The following COG5 variants were observed in gnomAD, a reference collection of about 807,000 sequenced individuals.
COG5 encodes the protein component of oligomeric golgi complex 5, also known as conserved oligomeric Golgi complex subunit 5.
COG5 carries 86 observed loss-of-function variants against 110.4 expected under a neutral mutation model. The ratio of observed to expected loss-of-function variants is 0.78; its 90% CI spans 0.65 to 0.93. The LOEUF (loss-of-function observed/expected upper bound fraction) is 0.93. Among genes scored for constraint, COG5 ranks in the 40% least tolerant of loss-of-function variants. COG5 has a pLI of 0.00. For synonymous variants in COG5, 360 were observed against 334.6 expected (o/e 1.08, Z -0.83); for missense variants, 1,077 against 987.0 (o/e 1.09, Z -1.22).
chr7:107,535,471 A>C (rs1005925515), intron 5 of COG5, among the ~76,000 whole-genome samples: 3 of 151,762 alleles, frequency 2.0e-5, no homozygotes, highest in African/African-American at 7.3e-5. Context: ...AAAAATGATA[A>C]AGGGGATATC....
intron 13 of COG5, among the ~76,000 whole-genome samples, 160 bp from the exon 14 acceptor site, chr7:107,281,559 T>C (rs6954422): frequency 6.6e-6 from 1 of 152,006 alleles, no homozygotes; most frequent in Non-Finnish European, 1.5e-5. Context: ...TACCCCCTAA[T>C]TTCAGCACTT....
Position 107,266,324 on chromosome 7 carries a change from C to T in COG5, c.1576-7941G>A, listed in dbSNP as rs186580876. Among the ~76,000 whole-genome samples, 593 of 152,248 alleles carry T rather than the reference C, an allele frequency of 3.9e-3. 14 individuals are homozygous for T. The highest frequency in any genetic ancestry group is 0.035 in the Admixed American group (541 of 15,298). ...AAATATTCTCACAGCGTATGCCATA[C>T]TTTTCTGGTTTCATAAATAAGATAC... On this transcript the variant is annotated intron_variant, in intron 14 of 21. Coordinates refer to ENST00000297135, the MANE Select transcript of COG5 (RefSeq NM_006348.5).
chr7:107,404,424 T>C (rs1046572840), intron 7 of COG5, among the ~76,000 whole-genome samples: 1 of 152,210 alleles, frequency 6.6e-6, no homozygotes, highest in African/African-American at 2.4e-5. Flanking sequence ...TCTATATTTA[T>C]AATAAACATT....
intron 6 of COG5, among the ~76,000 whole-genome samples, chr7:107,507,141 C>T (rs1029626369): frequency 6.6e-6 from 1 of 152,132 alleles, no homozygotes; most frequent in Non-Finnish European, 1.5e-5. Context: ...TGGAGGCAGT[C>T]TCTTCCACTC....
intron 10 of COG5, among the ~76,000 whole-genome samples, chr7:107,345,045 G>A (rs1186347196): frequency 2.6e-5 from 4 of 152,228 alleles, no homozygotes; most frequent in Middle Eastern, 3.4e-3. Flanking sequence ...AACACTTAGA[G>A]GTCACTGTAG....
intron 6 of COG5, among the ~76,000 whole-genome samples, chr7:107,491,194 T>A (rs957892965): frequency 6.6e-6 from 1 of 152,110 alleles, no homozygotes. Flanking sequence ...CTTCTCTCTA[T>A]CCTCTACCTT....
intron 7 of COG5, among the ~76,000 whole-genome samples, chr7:107,407,314 G>A (rs1041399146): frequency 2.2e-4 from 34 of 152,212 alleles, no homozygotes; most frequent in East Asian, 7.7e-4. Flanking sequence ...CCCAGGAGTC[G>A]GAGGTTTCAG....
At chr7:107,467,201 T>C (rs1796345757) in intron 6 of COG5, among the ~76,000 whole-genome samples, 1 of 152,214 alleles carries the variant, frequency 6.6e-6, no homozygotes, top group African/African-American at 2.4e-5. Context: ...ATTTTGGGGT[T>C]AGAATCATAT....
intron 10 of COG5, among the ~76,000 whole-genome samples, chr7:107,326,624 C>T (rs1327073732): frequency 2.6e-5 from 4 of 151,958 alleles, no homozygotes; most frequent in East Asian, 1.9e-4. Context: ...GAAAACTACA[C>T]GATATGGTTG....
intron 14 of COG5, among the ~76,000 whole-genome samples, chr7:107,270,811 CTG>C (rs1299920597): frequency 1.4e-5 from 2 of 146,084 alleles, no homozygotes; most frequent in Admixed American, 1.4e-4. Flanking sequence ...ATGTGTGGGA[CTG>C]TTTCTCTTTC....
intron 17 of COG5, among the ~76,000 whole-genome samples, chr7:107,243,917 C>G (rs796222199): frequency 8.5e-5 from 13 of 152,230 alleles, no homozygotes; most frequent in African/African-American, 3.1e-4. Flanking sequence ...TCCTGAATGA[C>G]TTTTGGGTAA....
At chr7:107,480,094 T>A (rs1436773510) in intron 6 of COG5, among the ~76,000 whole-genome samples, 1 of 152,114 alleles carries the variant, frequency 6.6e-6, no homozygotes, top group Non-Finnish European at 1.5e-5. Context: ...ATAATAGTAA[T>A]GAAAGGGCAA....
intron 19 of COG5, among the ~76,000 whole-genome samples, chr7:107,211,909 G>A (rs564194375): frequency 6.6e-6 from 1 of 152,320 alleles, no homozygotes; most frequent in African/African-American, 2.4e-5. Flanking sequence ...TTATGGATGA[G>A]AGCTGATTAG....
Position 107,202,583 on chromosome 7 carries a change from G to C in COG5, c.*933C>G, listed in dbSNP as rs1562906594. 1.3e-5 allele frequency: 2 copies of C among 152,390 alleles called. No individual in the cohort carries two copies. The highest frequency in any genetic ancestry group is 2.9e-5 in the Non-Finnish European group (2 of 68,026). The allele number at this position is 152,390 out of a possible 1,614,324, so 9.4% of individuals were successfully genotyped here. On this transcript the variant is annotated 3_prime_UTR_variant, in exon 22 of 22. Transcript: ENST00000297135. ...AATCTTGGCTGAATTTTATTTATGA[G>C]TTCTCAGAATAACAGGTTCAGGAGA... is the stretch of plus-strand genomic sequence containing the variant.
intron 6 of COG5, among the ~76,000 whole-genome samples, chr7:107,522,408 C>A (rs566960682): frequency 6.6e-6 from 1 of 152,104 alleles, no homozygotes; most frequent in African/African-American, 2.4e-5. Flanking sequence ...GCGGAGGTTG[C>A]GGTGAGCGGA....
At chr7:107,482,684 T>C (rs1797423029) in intron 6 of COG5, among the ~76,000 whole-genome samples, 1 of 152,068 alleles carries the variant, frequency 6.6e-6, no homozygotes, top group African/African-American at 2.4e-5. Flanking sequence ...AGTACTACAT[T>C]AGATTTCTAA....
intron 6 of COG5, among the ~76,000 whole-genome samples, chr7:107,509,672 G>A (rs1340775952): frequency 6.6e-6 from 1 of 152,270 alleles, no homozygotes; most frequent in Non-Finnish European, 1.5e-5. Flanking sequence ...CCCACAAAGG[G>A]AAGCCCATCA....
At chr7:107,464,210 T>C (rs1409342005) in intron 6 of COG5, among the ~76,000 whole-genome samples, 1 of 152,192 alleles carries the variant, frequency 6.6e-6, no homozygotes, top group Non-Finnish European at 1.5e-5. Flanking sequence ...AATGAACTTA[T>C]AATATACTTA....
intron 3 of COG5, among the ~76,000 whole-genome samples, chr7:107,551,056 G>T (rs1394355867): frequency 6.7e-6 from 1 of 149,742 alleles, no homozygotes; most frequent in Non-Finnish European, 1.5e-5. Flanking sequence ...TTGTTTGTTT[G>T]TTTTGAGATG....
Sources: gnomAD v4.1 joint callset for allele counts (sites outside exome capture counted in the v4.1 genomes callset) on GRCh38, gnomAD v4.1.1 for gene constraint, MANE v1.5 for transcripts, NCBI Gene and HGNC (gene_info 2026-07-23, HGNC 2026-07-21) for gene names.